ADNP2: variants seen among roughly 807,000 people sequenced by gnomAD.
ADNP2 encodes the protein ADNP homeobox 2.
Under a neutral mutation model 16.4 loss-of-function variants are expected in ADNP2, and 8 were observed. The ratio of observed to expected loss-of-function variants is 0.49; its 90% confidence interval spans 0.29 to 0.88. The LOEUF (loss-of-function observed/expected upper bound fraction) is 0.88. Ranked by LOEUF, ADNP2 falls within the 40% of genes least tolerant of loss-of-function variation. ADNP2 has a pLI of 0.09. For missense variants in ADNP2, 1,397 were observed against 1,395.1 expected (o/e 1.00, Z -0.02); for synonymous variants, 637 against 545.8 (o/e 1.17, Z -2.33).
intron 2 of ADNP2, among the ~76,000 whole-genome samples, chr18:80,121,711 T>G (rs2052426057): frequency 6.6e-6 from 1 of 152,214 alleles, no homozygotes; most frequent in South Asian, 2.1e-4. Flanking sequence ...TTCTTATATA[T>G]TGTATAAGTA....
Position 80,138,737 on chromosome 18 carries a change from T to A in ADNP2, c.3324T>A (p.Ser1108=). 6.2e-7 allele frequency: 1 copy of A among 1,606,502 alleles called. No homozygotes were observed. Among genetic ancestry groups the A allele is most frequent in the Non-Finnish European group, 8.5e-7 (1 of 1,178,382 alleles). ...AAGCAATAAAAAATCACAAGCCTTCTGTACTTTTAGGCTTTGATATGTCTG... is the reference window on the plus strand; with the variant it reads ...AAGCAATAAAAAATCACAAGCCTTCAGTACTTTTAGGCTTTGATATGTCTG... ...CMKAIKNHKP[S]VLLGFDMSEL... The change falls in exon 4 of 4, where the codon TCT becomes TCA. Residue 1108 remains serine (S), a synonymous_variant. Transcript: ENST00000262198.
At chr18:80,132,055 A>G (rs987324041) in intron 2 of ADNP2, among the ~76,000 whole-genome samples, 76 of 152,216 alleles carry the variant, frequency 5.0e-4, no homozygotes, top group Non-Finnish European at 3.4e-4. Context: ...ATGAAGCTAC[A>G]TGGGTTTTAG....
In ADNP2 at chr18:80,136,106, G is replaced by T. The variant is rs756048625; in HGVS notation, c.693G>T (p.Met231Ile). ...ATGCCAGCAGCCAGGATGCGTTAAT[G>T]TATCACATTTTGACATCAGACATAC... ...NANASSQDAL[M>I]YHILTSDIHR... is the part of the protein sequence containing the mutation. The change falls in exon 4 of 4, where the codon ATG (methionine) becomes ATT (isoleucine). Residue 231 changes from methionine to isoleucine, a missense_variant. Coordinates refer to ENST00000262198, the MANE Select transcript of ADNP2 (RefSeq NM_014913.4). 5.6e-6 allele frequency: 9 copies of T among 1,614,194 alleles called. No homozygotes were observed. The highest frequency in any genetic ancestry group is 7.6e-6 in the Non-Finnish European group (9 of 1,179,996).
Position 80,136,034 on chromosome 18 carries a change from G to C in ADNP2, c.621G>C (p.Glu207Asp), listed in dbSNP as rs781112548. 115 of 1,614,128 alleles carry C rather than the reference G, an allele frequency of 7.1e-5. No homozygotes were observed. Among genetic ancestry groups the C allele is most frequent in the Non-Finnish European group, 9.3e-5 (110 of 1,180,054 alleles). The change falls in exon 4 of 4, where the codon GAG becomes GAC. Residue 207 changes from glutamate to aspartate, a missense_variant. By Grantham distance (45) the Glu-to-Asp change is conservative. This residue lies in a region of ADNP2 where 777 missense variants were observed against 719.4 expected (regional missense o/e 1.08). Coordinates refer to ENST00000262198, the MANE Select transcript of ADNP2 (RefSeq NM_014913.4). ...AAACTAACGATACTGTTTCTATAGA[G>C]AAGATCCCACCACCTGACAAATATT... is the stretch of plus-strand genomic sequence containing the variant. Reference protein sequence around the residue: ...QPKTNDTVSIEKIPPPDKYYC... With the variant: ...QPKTNDTVSIDKIPPPDKYYC...
rs748091040 is a variant in ADNP2 at position 80,136,680 on chromosome 18, C to G, written c.1267C>G (p.Pro423Ala). The G allele has an allele frequency of 6.2e-7, 1 of 1,613,088 alleles. No homozygotes were observed. The highest frequency in any genetic ancestry group is 8.5e-7 in the Non-Finnish European group (1 of 1,179,496). ...PVGPGVLPVS[P>A]SVTPGVLQAV... is the part of the protein sequence containing the mutation. ...TGGGCCTGGTGTTCTTCCTGTGAGC[C>G]CCTCTGTCACCCCTGGGGTCCTGCA... Residue 423 changes from proline to alanine, a missense_variant, in exon 4 of 4, where the codon CCC (proline) becomes GCC (alanine). By Grantham distance (27) the Pro-to-Ala change is conservative (BLOSUM62 -1). Transcript: ENST00000262198.
intron 1 of ADNP2, among the ~76,000 whole-genome samples, chr18:80,116,310 T>G (rs1302991201): frequency 6.6e-6 from 1 of 152,262 alleles, no homozygotes; most frequent in East Asian, 1.9e-4. Flanking sequence ...TTGGTTTGTT[T>G]ACACATTTTG....
chr18:80,117,619 T>C lies in ADNP2; in HGVS notation c.77T>C (p.Ile26Thr). Reference protein sequence around the residue: ...RKKVKGILVDIGLDSCKELLK... With the variant: ...RKKVKGILVDTGLDSCKELLK... ...AAGGTGAAAGGTATTCTTGTGGATA[T>C]TGGGCTTGACAGCTGCAAGGAGTTA... Residue 26 changes from isoleucine to threonine, a missense_variant, in exon 2 of 4, where the codon ATT becomes ACT. Around this residue, in one of 3 missense-constraint regions of ADNP2, gnomAD observed 777 missense variants for 719.4 expected, o/e 1.08. Transcript: ENST00000262198. 6.2e-7 allele frequency: 1 copy of C among 1,609,138 alleles called. No homozygotes were observed. Among genetic ancestry groups the C allele is most frequent in the Non-Finnish European group, 8.5e-7 (1 of 1,178,522 alleles).
Position 80,133,102 on chromosome 18 carries a change from G to C in ADNP2, c.109-1G>C. 6.3e-7 allele frequency: 1 copy of C among 1,581,644 alleles called. No homozygotes were observed. The highest frequency in any genetic ancestry group is 8.6e-7 in the Non-Finnish European group (1 of 1,165,298). On this transcript the variant is annotated splice_acceptor_variant, in intron 2 of 3. Coordinates refer to ENST00000262198, the MANE Select transcript of ADNP2 (RefSeq NM_014913.4). LOFTEE classifies it high-confidence loss of function. Reference sequence around the variant, plus strand: ...CTCTTTTTTTTCTCCCTTTTTAAAAGGACCTTAAAGGCTTTGATCCAGGAG... The same window carrying C: ...CTCTTTTTTTTCTCCCTTTTTAAAACGACCTTAAAGGCTTTGATCCAGGAG...
In ADNP2 at chr18:80,135,594, T is replaced by G. The variant is rs2052526209; in HGVS notation, c.199-18T>G. ...CAGTTTATTCAATTATGCTTAAGGCTTTCTTTTCTTTTAACAGAGATATCG... is the reference window on the plus strand; with the variant it reads ...CAGTTTATTCAATTATGCTTAAGGCGTTCTTTTCTTTTAACAGAGATATCG... On this transcript the variant is annotated intron_variant, in intron 3 of 3. Coordinates refer to ENST00000262198, the MANE Select transcript of ADNP2 (RefSeq NM_014913.4). The G allele has an allele frequency of 2.5e-6, 4 of 1,597,208 alleles. No individual in the cohort carries two copies. Among genetic ancestry groups the G allele is most frequent in the Non-Finnish European group, 3.4e-6 (4 of 1,170,522 alleles).
At chr18:80,130,085 T>G (rs2052486501) in intron 2 of ADNP2, among the ~76,000 whole-genome samples, 1 of 152,234 alleles carries the variant, frequency 6.6e-6, no homozygotes, top group South Asian at 2.1e-4. Flanking sequence ...TCTTGAGCAC[T>G]TCTGTGGATC....
rs757831017 is a variant in ADNP2, at chr18:80,135,632, C to T, written c.219C>T (p.Tyr73=). The part of the protein sequence containing the change: ...GKKVRYRTKP[Y]CCGLCKYSTK... Reference sequence around the variant, plus strand: ...AACAGAGATATCGAACAAAGCCATACTGTTGTGGCCTCTGTAAATACTCTA... The same window carrying T: ...AACAGAGATATCGAACAAAGCCATATTGTTGTGGCCTCTGTAAATACTCTA... The change falls in exon 4 of 4, where the codon TAC becomes TAT. Residue 73 remains tyrosine, a synonymous_variant. Transcript: ENST00000262198. The T allele has an allele frequency of 8.1e-6, 13 of 1,612,948 alleles. No individual in the cohort carries two copies. The highest frequency in any genetic ancestry group is 1.1e-5 in the Non-Finnish European group (13 of 1,179,258).
rs974824073 is a variant in ADNP2, at chr18:80,133,304, G to A, written c.198+112G>A. The A allele has an allele frequency of 1.1e-5, 9 of 827,960 alleles. No homozygotes were observed. In the African/African-American group the frequency reaches 1.5e-4, roughly 14 times the overall value. 51.3% of individuals were successfully genotyped at this position (827,960 alleles called of 1,614,324 possible). ...GGGTTGCTGGTGAGTGAATGGGGAG[G>A]AGGAATAATGCAACCTTTCAGAGAA... On this transcript the variant is annotated intron_variant, in intron 3 of 3. Coordinates refer to ENST00000262198, the MANE Select transcript of ADNP2 (RefSeq NM_014913.4).
intron 2 of ADNP2, among the ~76,000 whole-genome samples, chr18:80,132,673 T>TCTCCTCCTCTCTCCCCTCTC (rs60916384): frequency 1.4e-5 from 2 of 146,132 alleles, no homozygotes; most frequent in African/African-American, 5.2e-5. Context: ...CTCTCCCCTC[T>TCTCCTCCTCTCTCCCCTCTC]TCCTCCCCTC....
At chr18:80,111,877 A>G (rs1407350406) in intron 1 of ADNP2, among the ~76,000 whole-genome samples, 3 of 151,900 alleles carry the variant, frequency 2.0e-5, no homozygotes, top group East Asian at 1.9e-4. Context: ...TTTTTTTTCT[A>G]TAATAGAATA....
intron 1 of ADNP2, among the ~76,000 whole-genome samples, chr18:80,110,239 A>C (rs1371687439): frequency 6.6e-6 from 1 of 152,210 alleles, no homozygotes; most frequent in Non-Finnish European, 1.5e-5. Flanking sequence ...ACTACAGTTG[A>C]CTTTGGAATG....
At chr18:80,124,552 C>T (rs2145201125) in intron 2 of ADNP2, among the ~76,000 whole-genome samples, 1 of 152,192 alleles carries the variant, frequency 6.6e-6, no homozygotes, top group East Asian at 1.9e-4. Flanking sequence ...ACTCAACCCT[C>T]CAGGAACCTC....
intron 1 of ADNP2, among the ~76,000 whole-genome samples, chr18:80,111,394 G>C (rs1239802226): frequency 6.6e-6 from 1 of 152,130 alleles, no homozygotes; most frequent in Non-Finnish European, 1.5e-5. Flanking sequence ...CCTGGAGAGA[G>C]TAAGTGATTT....
At chr18:80,127,339 GT>G (rs35560770) in intron 2 of ADNP2, among the ~76,000 whole-genome samples, 1,514 of 102,170 alleles carry the variant, frequency 0.015, 26 homozygotes, top group African/African-American at 0.056. Context: ...GGTTTTTTCA[GT>G]TTTTTTTTTT....
At chr18:80,111,449 C>T (rs28503853) in intron 1 of ADNP2, among the ~76,000 whole-genome samples, 27,467 of 151,972 alleles carry the variant, frequency 0.18, 2,755 homozygotes, top group Middle Eastern at 0.25. Flanking sequence ...GATGTAAACC[C>T]GGGCACACAA....
Sources: gnomAD v4.1 joint callset for allele counts (sites outside exome capture counted in the v4.1 genomes callset) on GRCh38, gnomAD v4.1.1 for gene constraint, gnomAD v4.1.1 regional missense constraint, MANE v1.5 for transcripts, NCBI Gene and HGNC (gene_info 2026-07-23, HGNC 2026-07-21) for gene names.